The following GSE1 variants were observed in gnomAD, a reference collection of about 807,000 sequenced individuals.
The protein encoded by GSE1 is genetic suppressor element 1.
GSE1 carries 32 observed loss-of-function variants against 112.6 expected under a neutral mutation model. The observed-to-expected ratio is 0.28, with a 90% CI of 0.21 to 0.38. GSE1 has a LOEUF of 0.38. GSE1 is among the 10% of genes least tolerant of loss of function. The probability of loss-of-function intolerance (pLI) is 1.00; values close to 1 mark genes in which losing one functional copy is unlikely to be tolerated. For synonymous variants in GSE1, 1,115 were observed against 735.6 expected, an observed-to-expected ratio of 1.52 and a Z score of -8.35; for missense variants, 2,348 against 1,699.2, an observed-to-expected ratio of 1.38 and a Z score of -6.71.
intron 1 of GSE1, among the ~76,000 whole-genome samples, chr16:85,587,172 C>CA (rs1038709928): frequency 1.3e-5 from 2 of 150,096 alleles, no homozygotes; most frequent in African/African-American, 4.9e-5. Flanking sequence ...GACGAAACCC[C>CA]CCCCCCCCCA....
chr16:85,244,818 C>T (rs533927635), intron 1 of GSE1, among the ~76,000 whole-genome samples: 9 of 152,200 alleles, frequency 5.9e-5, no homozygotes, highest in African/African-American at 2.2e-4. Context: ...TGGTGAAATC[C>T]TGTCTCTACT....
At chr16:85,200,895 G>A (rs1263593315) in intron 1 of GSE1, among the ~76,000 whole-genome samples, 1 of 152,192 alleles carries the variant, frequency 6.6e-6, no homozygotes, top group Non-Finnish European at 1.5e-5. Flanking sequence ...TCCACTTCCT[G>A]CAGCCCTGGC....
intron 1 of GSE1, among the ~76,000 whole-genome samples, chr16:85,578,315 T>C (rs1456091066): frequency 6.6e-6 from 1 of 152,212 alleles, no homozygotes; most frequent in Admixed American, 6.5e-5. Context: ...TGGATAACGG[T>C]GGCAGCCTGT....
intron 1 of GSE1, among the ~76,000 whole-genome samples, chr16:85,606,399 G>A (rs2047705022): frequency 6.6e-6 from 1 of 152,220 alleles, no homozygotes; most frequent in South Asian, 2.1e-4. Flanking sequence ...GTGTAGTGAT[G>A]CCAGCCTGCA....
At position 85,525,093 on chromosome 16, in the gene GSE1, G is replaced by C. The variant is rs13334101; in HGVS notation, c.2465-108821G>C. ...TTGCGTCACCACGTCTGCTGGCCCG[G>C]GGGGTTTCGCCAGCCTCCTGGCCTC... On this transcript the variant is annotated intron_variant, in intron 2 of 2. Transcript: ENST00000637419. Among the ~76,000 whole-genome samples the C allele has an allele frequency of 2.4e-3, 370 of 152,332 alleles. 1 individual carries two copies. Among genetic ancestry groups the C allele is most frequent in the African/African-American group, 8.7e-3 (362 of 41,582 alleles).
intron 1 of GSE1, among the ~76,000 whole-genome samples, chr16:85,240,422 C>A (rs1178663575): frequency 1.3e-5 from 2 of 152,252 alleles, no homozygotes; most frequent in Non-Finnish European, 2.9e-5. Context: ...GGAGTGTCAG[C>A]ATCCGGCACT....
intron 2 of GSE1, among the ~76,000 whole-genome samples, chr16:85,362,627 G>A (rs1442932215): frequency 6.6e-6 from 1 of 152,184 alleles, no homozygotes; most frequent in Non-Finnish European, 1.5e-5. Flanking sequence ...AGAAGGCACT[G>A]AGGGCTGCCA....
chr16:85,634,929 C>A (rs545479915), intron 2 of GSE1, among the ~76,000 whole-genome samples: 1 of 152,050 alleles, frequency 6.6e-6, no homozygotes, highest in South Asian at 2.1e-4. Flanking sequence ...CCTCGGACAC[C>A]CTCTGGACTC....
intron 1 of GSE1, among the ~76,000 whole-genome samples, chr16:85,558,679 A>G (rs1401622585): frequency 6.6e-6 from 1 of 152,234 alleles, no homozygotes; most frequent in Non-Finnish European, 1.5e-5. Flanking sequence ...CTGTGGATGC[A>G]GGCTTTCCCC....
In GSE1 at chr16:85,478,927, C is replaced by CTTTCTTTCTTTTCTT. The variant is rs1285190496; in HGVS notation, c.2464+121285_2464+121286insTTCTTTCTTTTCTTT. On this transcript the variant is annotated intron_variant, in intron 2 of 2. Transcript: ENST00000637419. ...TCTTTCTTTCTTTCTTTCTTTCTTT[C>CTTTCTTTCTTTTCTT]TCTTTCTTTCTTTCTTTCTTTTTTT... is the stretch of plus-strand genomic sequence containing the variant. Among the ~76,000 whole-genome samples the CTTTCTTTCTTTTCTT allele has an allele frequency of 1.1e-4, 3 of 28,046 alleles. 1 individual carries two copies. Among genetic ancestry groups the CTTTCTTTCTTTTCTT allele is most frequent in the African/African-American group, 4.6e-4 (3 of 6,516 alleles). 18.4% of individuals were successfully genotyped at this position (28,046 alleles called of 152,430 possible). A position where few individuals can be genotyped will look rare whatever the true frequency, so the allele number is the denominator to read the frequency against.
intron 2 of GSE1, among the ~76,000 whole-genome samples, chr16:85,639,268 C>T (rs374980748): frequency 6.6e-5 from 10 of 152,346 alleles, no homozygotes; most frequent in South Asian, 2.1e-4. Context: ...CGGGTGGCAC[C>T]GGGTCCTTGG....
rs562050468 is a variant in GSE1 at position 85,187,426 on chromosome 16, G to C, written c.2283+15619G>C. On this transcript the variant is annotated intron_variant, in intron 1 of 2. Coordinates refer to the GSE1 transcript ENST00000637419. Reference sequence around the variant, plus strand: ...CTTCCTGGACTGAGAGCCCTGCTCTGGGGGAAGAGAGAGAAGGAGTTAAAA... The same window carrying C: ...CTTCCTGGACTGAGAGCCCTGCTCTCGGGGAAGAGAGAGAAGGAGTTAAAA... 1.3e-4 allele frequency among the ~76,000 whole-genome samples: 20 copies of C among 152,364 alleles called. No individual in the cohort carries two copies. The South Asian group carries it at 3.9e-3, about 30-fold the overall frequency.
chr16:85,451,964 TC>T (rs926471676), intron 2 of GSE1, among the ~76,000 whole-genome samples: 1 of 151,518 alleles, frequency 6.6e-6, no homozygotes, highest in African/African-American at 2.4e-5. Context: ...TCTGCCTGCC[TC>T]CCCCCCTCAC....
intron 1 of GSE1, among the ~76,000 whole-genome samples, chr16:85,352,166 T>A (rs1043730097): frequency 3.3e-5 from 5 of 151,984 alleles, no homozygotes; most frequent in Non-Finnish European, 7.4e-5. Context: ...CCCCACACCC[T>A]CCTCCCCTGA....
At chr16:85,669,937 G>A (rs1396262709) in intron 14 of GSE1, among the ~76,000 whole-genome samples, 5 of 152,224 alleles carry the variant, frequency 3.3e-5, no homozygotes, top group Non-Finnish European at 7.3e-5. Flanking sequence ...CTACCGCTCA[G>A]CTGTTTTTAG....
chr16:85,666,513 G>C, intron 13 of GSE1, 166 bp downstream of exon 13: 1 of 676,134 alleles, frequency 1.5e-6, no homozygotes, highest in Non-Finnish European at 2.5e-6. Flanking sequence ...ATGTTTGTTT[G>C]TTTATCTCCA....
intron 8 of GSE1, among the ~76,000 whole-genome samples, chr16:85,659,112 T>C (rs1328082317): frequency 1.3e-5 from 2 of 152,248 alleles, no homozygotes; most frequent in Non-Finnish European, 2.9e-5. Flanking sequence ...AGGACACAGC[T>C]TCTTCCTGTG....
chr16:85,185,780 G>A (rs530996823), intron 1 of GSE1, among the ~76,000 whole-genome samples: 1 of 152,268 alleles, frequency 6.6e-6, no homozygotes, highest in African/African-American at 2.4e-5. Context: ...TGCCTCAGGG[G>A]CTCCGTGCTG....
Position 85,662,988 on chromosome 16 carries a change from C to T in GSE1, c.2268C>T (p.Tyr756=), listed in dbSNP as rs763107458. The change falls in exon 10 of 16, where the codon TAC becomes TAT. Residue 756 remains tyrosine (Y), a synonymous_variant. Coordinates refer to ENST00000253458, the MANE Select transcript of GSE1 (RefSeq NM_014615.5). ...CAACCATTTCTCCATCAGGGTACTA[C>T]TACGACCTCGATGACTCTTACGACG... is the stretch of plus-strand genomic sequence containing the variant. ...RRREAQEKGY[Y]YDLDDSYDES... 8.7e-6 allele frequency: 14 copies of T among 1,604,016 alleles called. No homozygotes were observed. Among genetic ancestry groups the T allele is most frequent in the Non-Finnish European group, 1.1e-5 (13 of 1,171,568 alleles).
Sources: gnomAD v4.1 joint callset for allele counts (sites outside exome capture counted in the v4.1 genomes callset) on GRCh38, gnomAD v4.1.1 for gene constraint, MANE v1.5 for transcripts, NCBI Gene and HGNC (gene_info 2026-07-23, HGNC 2026-07-21) for gene names.